SUGCT: variants seen among roughly 807,000 people sequenced by gnomAD.
SUGCT encodes succinyl-CoA:glutarate CoA-transferase.
SUGCT carries 41 observed loss-of-function variants against 55.0 expected under a neutral mutation model. That is an observed-to-expected ratio of 0.74 (90% CI 0.58 to 0.97). The LOEUF (loss-of-function observed/expected upper bound fraction) is 0.97, where lower values mean the gene tolerates loss of function less well. Among genes scored for constraint, SUGCT ranks in the 50% least tolerant of loss-of-function variants. SUGCT has a pLI of 0.00. For synonymous variants in SUGCT, 187 were observed against 200.4 expected (o/e 0.93, Z 0.56); for missense variants, 568 against 547.8 (o/e 1.04, Z -0.37).
intron 9 of SUGCT, among the ~76,000 whole-genome samples, chr7:40,442,032 A>G (rs1788542604): frequency 6.6e-6 from 1 of 152,124 alleles, no homozygotes; most frequent in Non-Finnish European, 1.5e-5. Flanking sequence ...AATATTTCAA[A>G]GACCAATCTT....
chr7:40,785,706 T>G (rs188060820), intron 13 of SUGCT, among the ~76,000 whole-genome samples: 1 of 152,140 alleles, frequency 6.6e-6, no homozygotes, highest in Admixed American at 6.5e-5. Flanking sequence ...TCTTCTAAAT[T>G]GGTGGGTTTC....
intron 9 of SUGCT, among the ~76,000 whole-genome samples, chr7:40,371,449 A>G (rs1374763236): frequency 6.6e-6 from 1 of 152,166 alleles, no homozygotes; most frequent in African/African-American, 2.4e-5. Context: ...ACTAACTATC[A>G]GGAATGCAGC....
intron 12 of SUGCT, among the ~76,000 whole-genome samples, chr7:40,523,915 C>A (rs1793680258): frequency 6.6e-6 from 1 of 151,966 alleles, no homozygotes; most frequent in Admixed American, 6.6e-5. Flanking sequence ...AACAAATGTT[C>A]TTGCTGATTT....
chr7:40,249,693 A>G (rs1790226567), intron 7 of SUGCT, among the ~76,000 whole-genome samples: 1 of 152,096 alleles, frequency 6.6e-6, no homozygotes, highest in South Asian at 2.1e-4. Context: ...GACACTGCTT[A>G]AATATATCTG....
At chr7:40,224,321 A>G (rs1562590506) in intron 6 of SUGCT, among the ~76,000 whole-genome samples, 1 of 151,792 alleles carries the variant, frequency 6.6e-6, no homozygotes, top group South Asian at 2.1e-4. Context: ...ATTTATTTTC[A>G]TTTAGTCTGT....
intron 7 of SUGCT, among the ~76,000 whole-genome samples, chr7:40,247,423 T>C (rs368372112): frequency 1.3e-4 from 19 of 151,990 alleles, no homozygotes; most frequent in East Asian, 5.8e-4. Flanking sequence ...GACCGGCTAA[T>C]ATTTTTGTAT....
At chr7:40,173,790 AATTT>A (rs1169086015) in intron 1 of SUGCT, among the ~76,000 whole-genome samples, 2 of 151,314 alleles carry the variant, frequency 1.3e-5, no homozygotes, top group African/African-American at 4.8e-5. Context: ...CATCTGTCAA[AATTT>A]ATTTAATTGT....
chr7:40,170,266 T>A (rs1784607286), intron 1 of SUGCT, among the ~76,000 whole-genome samples: 1 of 152,168 alleles, frequency 6.6e-6, no homozygotes, highest in Non-Finnish European at 1.5e-5. Flanking sequence ...GCGGCACTTC[T>A]CTCATTTGGG....
the SUGCT span, among the ~76,000 whole-genome samples, chr7:40,982,414 A>T: frequency 1.3e-5 from 2 of 152,098 alleles, no homozygotes; most frequent in African/African-American, 4.8e-5. Flanking sequence ...GGTTAGCATT[A>T]CTCACTACTT....
chr7:40,294,516 T>C (rs1793995226), intron 8 of SUGCT, among the ~76,000 whole-genome samples: 1 of 152,172 alleles, frequency 6.6e-6, no homozygotes, highest in Non-Finnish European at 1.5e-5. Context: ...TTAAATCATA[T>C]TCACTTCCCA....
At chr7:40,857,249 G>T (rs962870017) in intron 13 of SUGCT, among the ~76,000 whole-genome samples, 2 of 152,178 alleles carry the variant, frequency 1.3e-5, no homozygotes, top group Non-Finnish European at 2.9e-5. Context: ...TGAAACAAAT[G>T]TGTTTTTTGA....
chr7:40,339,142 T>C (rs1051345041), intron 9 of SUGCT, among the ~76,000 whole-genome samples: 2 of 152,118 alleles, frequency 1.3e-5, no homozygotes, highest in Non-Finnish European at 2.9e-5. Context: ...CCGTGTGAGG[T>C]GTCAGTCTGC....
At position 40,736,081 on chromosome 7, in the gene SUGCT, C is replaced by T. The variant is rs555525787; in HGVS notation, c.1090-13353C>T. On this transcript the variant is annotated intron_variant, in intron 12 of 13. Transcript: ENST00000335693. ...TCTGAATAAATTAATTACAACTCAACCCAGAGAGACACACACACACATAGG... is the reference window on the plus strand; with the variant it reads ...TCTGAATAAATTAATTACAACTCAATCCAGAGAGACACACACACACATAGG... 2.2e-4 allele frequency among the ~76,000 whole-genome samples: 34 copies of T among 151,416 alleles called. 1 individual carries two copies. In the South Asian group the frequency reaches 6.9e-3, roughly 31 times the overall value.
chr7:40,486,087 G>A (rs1030057756), intron 11 of SUGCT, among the ~76,000 whole-genome samples: 3 of 152,118 alleles, frequency 2.0e-5, no homozygotes, highest in African/African-American at 7.2e-5. Flanking sequence ...GAGAATAATT[G>A]GTATTTGTTC....
the SUGCT span, among the ~76,000 whole-genome samples, chr7:41,000,174 G>T: frequency 2.0e-5 from 3 of 152,062 alleles, no homozygotes; most frequent in Non-Finnish European, 4.4e-5. Flanking sequence ...ATGTTTGTGT[G>T]TGTGCATGCA....
At chr7:40,753,080 A>G (rs747641548) in intron 13 of SUGCT, among the ~76,000 whole-genome samples, 1 of 152,216 alleles carries the variant, frequency 6.6e-6, no homozygotes, top group African/African-American at 2.4e-5. Context: ...TACAGATGTC[A>G]GATAAAAAGA....
At chr7:40,256,922 T>C (rs565714990) in intron 7 of SUGCT, among the ~76,000 whole-genome samples, 166 of 152,052 alleles carry the variant, frequency 1.1e-3, no homozygotes, top group African/African-American at 3.9e-3. Flanking sequence ...TTTCGTATTT[T>C]TAACAGAGAT....
the SUGCT span, among the ~76,000 whole-genome samples, chr7:41,008,043 T>G: frequency 1.3e-5 from 2 of 152,296 alleles, no homozygotes; most frequent in Non-Finnish European, 2.9e-5. Flanking sequence ...TGACTCTGGC[T>G]GCTTAGAAAG....
intron 7 of SUGCT, among the ~76,000 whole-genome samples, chr7:40,268,631 T>C (rs1454227270): frequency 6.6e-6 from 1 of 151,874 alleles, no homozygotes; most frequent in Non-Finnish European, 1.5e-5. Flanking sequence ...TGAGGACACA[T>C]GCTTTCATTT....
Sources: allele counts gnomAD v4.1 joint callset (sites outside exome capture counted in the v4.1 genomes callset), GRCh38; gene constraint gnomAD v4.1.1; transcripts MANE v1.5; gene names NCBI Gene and HGNC (gene_info 2026-07-23, HGNC 2026-07-21).